The following PCDH17 variants were observed in gnomAD, a reference collection of about 807,000 sequenced individuals.
PCDH17 encodes the protein protocadherin-17.
PCDH17 carries 21 observed loss-of-function variants against 67.7 expected under a neutral mutation model. The ratio of observed to expected loss-of-function variants is 0.31; its 90% CI spans 0.22 to 0.45. PCDH17 has a LOEUF of 0.45. Among genes scored for constraint, PCDH17 ranks in the 20% least tolerant of loss-of-function variants. The pLI, the probability that PCDH17 is intolerant of heterozygous loss-of-function variation, is 1.00. For synonymous variants in PCDH17, 701 were observed against 656.7 expected (o/e 1.07, Z -1.03); for missense variants, 1,471 against 1,564.8 (o/e 0.94, Z 1.01).
intron 3 of PCDH17, among the ~76,000 whole-genome samples, chr13:57,685,212 G>A (rs898800684): frequency 6.6e-6 from 1 of 151,690 alleles, no homozygotes; most frequent in Non-Finnish European, 1.5e-5. Flanking sequence ...AAACTAACTT[G>A]GTCTCTTAGT....
intron 3 of PCDH17, among the ~76,000 whole-genome samples, chr13:57,711,002 G>A (rs1259144037): frequency 6.6e-6 from 1 of 151,832 alleles, no homozygotes. Context: ...ACACACATAT[G>A]TAAGGTCTAT....
At chr13:57,684,195 A>T (rs944482615) in intron 3 of PCDH17, among the ~76,000 whole-genome samples, 1 of 151,900 alleles carries the variant, frequency 6.6e-6, no homozygotes, top group Non-Finnish European at 1.5e-5. Flanking sequence ...TGAGATTTTT[A>T]AAAACTAAGC....
In PCDH17 at chr13:57,724,650, G is replaced by A; in HGVS notation, c.2836G>A (p.Val946Met). Residue 946 changes from valine (V) to methionine (M), a missense_variant, in exon 4 of 4, where the codon GTG becomes ATG. Physicochemically the swap from Val to Met is conservative, Grantham distance 21. This residue lies in a region of PCDH17 where 297 missense variants were observed against 298.6 expected (regional missense o/e 0.99). Transcript: ENST00000377918. ...ECVNCTDECR[V>M]LGHSDRCWMP... ...TGTTAATTGCACAGATGAATGCCGAGTGCTTGGTCATTCTGACAGGTGCTG... is the reference window on the plus strand; with the variant it reads ...TGTTAATTGCACAGATGAATGCCGAATGCTTGGTCATTCTGACAGGTGCTG... 2 of 1,613,964 alleles carry A rather than the reference G, an allele frequency of 1.2e-6. No homozygotes were observed. The highest frequency in any genetic ancestry group is 1.3e-5 in the African/African-American group (1 of 75,024).
chr13:57,652,271 C>T (rs1197330405), intron 1 of PCDH17, among the ~76,000 whole-genome samples: 92 of 111,676 alleles, frequency 8.2e-4, no homozygotes, highest in African/African-American at 2.9e-3. Context: ...GGCGACAGAG[C>T]GAGACTCCGT....
chr13:57,670,117 G>A (rs1374181844), intron 3 of PCDH17, among the ~76,000 whole-genome samples: 1 of 151,880 alleles, frequency 6.6e-6, no homozygotes, highest in East Asian at 1.9e-4. Context: ...TACATTCAAA[G>A]CCTGCCCTTT....
chr13:57,670,988 A>G (rs987279007), intron 3 of PCDH17, among the ~76,000 whole-genome samples: 2 of 151,988 alleles, frequency 1.3e-5, no homozygotes, highest in African/African-American at 4.8e-5. Context: ...AATGTTAATA[A>G]ACCCGTTAGT....
chr13:57,685,509 T>A (rs1157806483), intron 3 of PCDH17, among the ~76,000 whole-genome samples: 1 of 152,142 alleles, frequency 6.6e-6, no homozygotes, highest in Non-Finnish European at 1.5e-5. Context: ...TGGATGTTTG[T>A]GTTTTTCAAA....
chr13:57,651,822 AATAC>A (rs1235903288), intron 1 of PCDH17, among the ~76,000 whole-genome samples: 2 of 152,134 alleles, frequency 1.3e-5, no homozygotes, highest in African/African-American at 4.8e-5. Context: ...ATAAATACTA[AATAC>A]ATATTAACAC....
At chr13:57,671,851 C>T (rs1368123031) in intron 3 of PCDH17, among the ~76,000 whole-genome samples, 1 of 152,016 alleles carries the variant, frequency 6.6e-6, no homozygotes, top group East Asian at 1.9e-4. Context: ...ATCACCAATT[C>T]TAACATCACC....
At chr13:57,657,176 ATTACT>A (rs1234043977) in intron 1 of PCDH17, among the ~76,000 whole-genome samples, 1 of 152,150 alleles carries the variant, frequency 6.6e-6, no homozygotes, top group Non-Finnish European at 1.5e-5. Flanking sequence ...ATATACCCAG[ATTACT>A]TTAAGAAAAA....
chr13:57,699,194 T>G (rs965938073), intron 3 of PCDH17, among the ~76,000 whole-genome samples: 2 of 152,030 alleles, frequency 1.3e-5, no homozygotes, highest in African/African-American at 4.8e-5. Context: ...TCAAAAGAGA[T>G]ATTAGAAAGT....
At chr13:57,642,454 T>G (rs575094150) in intron 1 of PCDH17, among the ~76,000 whole-genome samples, 2 of 151,742 alleles carry the variant, frequency 1.3e-5, no homozygotes, top group Non-Finnish European at 3.0e-5. Context: ...TTCTGAAAGA[T>G]TCTGATGCTA....
chr13:57,652,265 A>C (rs2138002027), intron 1 of PCDH17, among the ~76,000 whole-genome samples: 1 of 143,212 alleles, frequency 7.0e-6, no homozygotes, highest in South Asian at 2.4e-4. Context: ...GGCCTGGGCG[A>C]CAGAGCGAGA....
chr13:57,716,980 T>A (rs779084819), intron 3 of PCDH17, among the ~76,000 whole-genome samples: 1 of 152,022 alleles, frequency 6.6e-6, no homozygotes, highest in Non-Finnish European at 1.5e-5. Context: ...GTGAGCTGTC[T>A]TTATGCTGGT....
chr13:57,689,471 T>C (rs1241586254), intron 3 of PCDH17, among the ~76,000 whole-genome samples: 1 of 152,000 alleles, frequency 6.6e-6, no homozygotes, highest in Non-Finnish European at 1.5e-5. Flanking sequence ...GACACAATTC[T>C]TGGTTAATTA....
At chr13:57,701,526 T>A in intron 3 of PCDH17, among the ~76,000 whole-genome samples, 1 of 33,918 alleles carries the variant, frequency 2.9e-5, no homozygotes, top group South Asian at 2.2e-3. Context: ...ATATTTTAAA[T>A]TTAAGACACC....
Position 57,634,693 on chromosome 13 carries a change from C to T in PCDH17, c.2147C>T (p.Ser716Phe). ...LPLIVTLSTI[S>F]IILLAAMITI... ...CTCATCGTGACTCTGAGCACTATCT[C>T]CATCATCCTCCTAGCGGCCATGATC... The change falls in exon 1 of 4, where the codon TCC becomes TTC. Residue 716 changes from serine to phenylalanine, a missense_variant. Around this residue, in one of 3 missense-constraint regions of PCDH17, gnomAD observed 1,163 missense variants for 1,230.0 expected, o/e 0.95. Transcript: ENST00000377918. The surrounding 1 kb of genome is among the most constrained non-coding windows in gnomAD (Gnocchi z 7.8). The T allele has an allele frequency of 6.2e-7, 1 of 1,613,864 alleles. No homozygotes were observed. Among genetic ancestry groups the T allele is most frequent in the South Asian group, 1.1e-5 (1 of 91,072 alleles).
intron 1 of PCDH17, among the ~76,000 whole-genome samples, chr13:57,648,116 G>A (rs1281575951): frequency 6.6e-6 from 1 of 151,742 alleles, no homozygotes; most frequent in Non-Finnish European, 1.5e-5. Flanking sequence ...GTTATTTAAC[G>A]ATATTACAGT....
At chr13:57,668,813 CT>C (rs1217792133) in intron 3 of PCDH17, among the ~76,000 whole-genome samples, 3 of 152,010 alleles carry the variant, frequency 2.0e-5, no homozygotes, top group Admixed American at 6.6e-5. Context: ...GTGTAAAAGA[CT>C]GGCTTCCACT....
Sources: gnomAD v4.1 joint callset for allele counts (sites outside exome capture counted in the v4.1 genomes callset) on GRCh38, gnomAD v4.1.1 for gene constraint, gnomAD v4.1.1 regional missense constraint, Gnocchi (gnomAD v3.1) non-coding constraint, MANE v1.5 for transcripts, NCBI Gene and HGNC (gene_info 2026-07-23, HGNC 2026-07-21) for gene names.